DIP2C: variants seen among roughly 807,000 people sequenced by gnomAD.
DIP2C encodes DIP2 acetate--CoA ligase C (putative).
A neutral mutation model predicts 192.4 loss-of-function variants in DIP2C; 33 were observed. The observed-to-expected ratio is 0.17, with a 90% confidence interval of 0.13 to 0.23. DIP2C has a LOEUF of 0.23. DIP2C is among the 10% of genes least tolerant of loss of function. DIP2C has a pLI of 1.00. For synonymous variants in DIP2C, 979 were observed against 864.1 expected (o/e 1.13, Z -2.33); for missense variants, 1,537 against 2,110.1 (o/e 0.73, Z 5.32).
chr10:503,156 C>T (rs1490037964), intron 1 of DIP2C, among the ~76,000 whole-genome samples: 2 of 152,056 alleles, frequency 1.3e-5, no homozygotes, highest in East Asian at 3.9e-4. Flanking sequence ...ACAATTCCAA[C>T]ATAAATTCCG....
At chr10:505,173 G>C (rs1013451924) in intron 1 of DIP2C, among the ~76,000 whole-genome samples, 1 of 152,132 alleles carries the variant, frequency 6.6e-6, no homozygotes, top group Non-Finnish European at 1.5e-5. Flanking sequence ...ATGTTCCGAG[G>C]AGCAATTCCA....
At chr10:452,500 T>C (rs1468783271) in intron 3 of DIP2C, among the ~76,000 whole-genome samples, 1 of 152,156 alleles carries the variant, frequency 6.6e-6, no homozygotes, top group Non-Finnish European at 1.5e-5. Flanking sequence ...TGCTAAGTTG[T>C]TGCTGTGTTT....
At chr10:319,160 G>A (rs1281099269) in intron 31 of DIP2C, among the ~76,000 whole-genome samples, 3 of 152,090 alleles carry the variant, frequency 2.0e-5, no homozygotes, top group Non-Finnish European at 2.9e-5. Context: ...TAATCCACCC[G>A]CCTCAGCCTC....
rs541590682 is a variant in DIP2C, at chr10:416,589, A to G, written c.740-701T>C. Among the ~76,000 whole-genome samples, 4 of 152,316 alleles carry G rather than the reference A, an allele frequency of 2.6e-5. No homozygotes were observed. The East Asian group carries it at 7.7e-4, about 29-fold the overall frequency. The stretch of plus-strand genomic sequence containing the variant: ...ACAGAATACTAGCCCCTACCTATCC[A>G]AGTGGACCGAGAAAAGCCCCATTTT... On this transcript the variant is annotated intron_variant, in intron 6 of 36. Transcript: ENST00000280886.
chr10:296,428 AC>A (rs1340770112), intron 32 of DIP2C, among the ~76,000 whole-genome samples: 1 of 152,072 alleles, frequency 6.6e-6, no homozygotes, highest in Non-Finnish European at 1.5e-5. Flanking sequence ...GGACACTTTT[AC>A]ACTGTTGGTG....
intron 1 of DIP2C, among the ~76,000 whole-genome samples, chr10:548,218 C>CCCCCA (rs1282724092): frequency 1.5e-5 from 2 of 130,402 alleles, no homozygotes; most frequent in Non-Finnish European, 3.5e-5. Context: ...ACCCCCCCCC[C>CCCCCA]CACAGGAAAG....
chr10:431,267 G>C (rs773975539), intron 4 of DIP2C, among the ~76,000 whole-genome samples: 5 of 152,054 alleles, frequency 3.3e-5, no homozygotes, highest in Non-Finnish European at 7.4e-5. Context: ...ATGTTGGTTG[G>C]GACTGCATTG....
chr10:398,238 A>G (rs2133010855), intron 10 of DIP2C, among the ~76,000 whole-genome samples: 1 of 152,180 alleles, frequency 6.6e-6, no homozygotes, highest in East Asian at 1.9e-4. Context: ...ATTTACACCT[A>G]TTCTCTCTGA....
chr10:635,238 T>A (rs1854763319), intron 1 of DIP2C, among the ~76,000 whole-genome samples: 1 of 152,248 alleles, frequency 6.6e-6, no homozygotes, highest in South Asian at 2.1e-4. Flanking sequence ...AATCCACCTG[T>A]GAATGGGGTG....
At chr10:553,169 T>A (rs986980773) in intron 1 of DIP2C, among the ~76,000 whole-genome samples, 2 of 152,222 alleles carry the variant, frequency 1.3e-5, no homozygotes, top group African/African-American at 2.4e-5. Flanking sequence ...ACATGGGCAC[T>A]GGGGCCCAGG....
intron 3 of DIP2C, among the ~76,000 whole-genome samples, chr10:458,180 A>G (rs1969461112): frequency 6.6e-6 from 1 of 152,206 alleles, no homozygotes. Context: ...CAGTGGCTAC[A>G]CAGTCCTACT....
intron 1 of DIP2C, among the ~76,000 whole-genome samples, chr10:566,299 T>G (rs1849465719): frequency 6.6e-6 from 1 of 152,162 alleles, no homozygotes; most frequent in Non-Finnish European, 1.5e-5. Flanking sequence ...CCAGGAATCT[T>G]ACCAACATAC....
At chr10:605,383 TC>T (rs781715188) in intron 1 of DIP2C, among the ~76,000 whole-genome samples, 1 of 152,206 alleles carries the variant, frequency 6.6e-6, no homozygotes, top group Non-Finnish European at 1.5e-5. Flanking sequence ...AAACATTCTT[TC>T]AATTTATCAC....
chr10:438,846 G>A (rs1338395872), intron 4 of DIP2C, among the ~76,000 whole-genome samples: 1 of 152,048 alleles, frequency 6.6e-6, no homozygotes, highest in Non-Finnish European at 1.5e-5. Context: ...AATTGAGATG[G>A]GGTCTTGCTG....
At chr10:476,564 C>T (rs373956703) in intron 2 of DIP2C, among the ~76,000 whole-genome samples, 1 of 152,186 alleles carries the variant, frequency 6.6e-6, no homozygotes, top group East Asian at 1.9e-4. Context: ...CAGAAGTGAT[C>T]CATGAGTGCG....
chr10:296,583 C>G (rs541474602), intron 32 of DIP2C, among the ~76,000 whole-genome samples: 7 of 152,172 alleles, frequency 4.6e-5, no homozygotes, highest in Admixed American at 2.0e-4. Flanking sequence ...AAAGACACAT[C>G]CACACGTATG....
chr10:350,087 G>A (rs553682323), intron 24 of DIP2C, among the ~76,000 whole-genome samples: 149 of 152,318 alleles, frequency 9.8e-4, no homozygotes, highest in African/African-American at 3.3e-3. Flanking sequence ...TCGCAAGAGT[G>A]TGGGATTCGC....
intron 32 of DIP2C, among the ~76,000 whole-genome samples, chr10:289,217 C>T (rs886219847): frequency 1.5e-5 from 2 of 135,394 alleles, no homozygotes; most frequent in African/African-American, 2.5e-5. Flanking sequence ...GGACAGGGTG[C>T]GGGCAGGGGG....
chr10:573,967 G>A (rs1174775682), intron 1 of DIP2C, among the ~76,000 whole-genome samples: 1 of 152,154 alleles, frequency 6.6e-6, no homozygotes, highest in Admixed American at 6.5e-5. Flanking sequence ...TTCCAAACAC[G>A]TTCTGAACGG....
Sources: gnomAD v4.1 joint callset for allele counts (sites outside exome capture counted in the v4.1 genomes callset) on GRCh38, gnomAD v4.1.1 for gene constraint, MANE v1.5 for transcripts, NCBI Gene and HGNC (gene_info 2026-07-23, HGNC 2026-07-21) for gene names.